NLGN1: variants seen among roughly 807,000 people sequenced by gnomAD.
NLGN1 encodes neuroligin 1.
NLGN1 carries 12 observed loss-of-function variants against 65.5 expected under a neutral mutation model. That is an observed-to-expected ratio of 0.18 (90% confidence interval 0.12 to 0.30). The LOEUF is 0.30. NLGN1 is among the 10% of genes least tolerant of loss of function. The probability of loss-of-function intolerance (pLI) is 1.00; values close to 1 mark genes in which losing one functional copy is unlikely to be tolerated. For missense variants in NLGN1, 750 were observed against 1,007.1 expected (o/e 0.74, Z 3.46); for synonymous variants, 350 against 359.5 (o/e 0.97, Z 0.30).
At chr3:173,457,644 G>A (rs1050193911) in intron 2 of NLGN1, among the ~76,000 whole-genome samples, 1 of 152,124 alleles carries the variant, frequency 6.6e-6, no homozygotes, top group Admixed American at 6.6e-5. Flanking sequence ...AGGCAAGCAA[G>A]AGCAGAAGAA....
At chr3:173,815,058 CTCCTTCCTTCTTTCCTTCGTTCCTTCTT>C (rs1718742087) in intron 4 of NLGN1, among the ~76,000 whole-genome samples, 1 of 146,932 alleles carries the variant, frequency 6.8e-6, no homozygotes. Flanking sequence ...TTTTCTTTCT[CTCCTTCCTTCTTTCCTTCGTTCCTTCTT>C]TCCTTCCTTC....
Position 173,823,498 on chromosome 3 carries a change from T to C in NLGN1, c.646+15666T>C, listed in dbSNP as rs114148648. Among the ~76,000 whole-genome samples, 462 of 152,174 alleles carry C rather than the reference T, an allele frequency of 3.0e-3. 3 individuals are homozygous for C. Among genetic ancestry groups the C allele is most frequent in the African/African-American group, 0.011 (442 of 41,548 alleles). On this transcript the variant is annotated intron_variant, in intron 4 of 6. Transcript: ENST00000457714. ...TACTTTATATTGTACTTACAAAACA[T>C]CTCAATTCACATGCTAAATCTTCAA...
intron 2 of NLGN1, among the ~76,000 whole-genome samples, chr3:173,500,010 G>T (rs1189203136): frequency 6.6e-6 from 1 of 152,082 alleles, no homozygotes; most frequent in Non-Finnish European, 1.5e-5. Flanking sequence ...GGGACAATTT[G>T]ACTTCCTCTT....
In NLGN1 at chr3:173,912,284, C is replaced by T. The variant is rs897812396; in HGVS notation, c.646+104452C>T. ...CTCTTTGATTCAACAATTCCACTCC[C>T]GGGATTTTATCTTGGGGAAACCTCA... On this transcript the variant is annotated intron_variant, in intron 4 of 6. Transcript: ENST00000457714. 3.9e-4 allele frequency among the ~76,000 whole-genome samples: 60 copies of T among 152,220 alleles called. 1 individual carries two copies. Among genetic ancestry groups the T allele is most frequent in the East Asian group, 1.9e-4 (1 of 5,174 alleles).
chr3:174,142,372 C>G (rs73880364), intron 4 of NLGN1, among the ~76,000 whole-genome samples: 2 of 152,052 alleles, frequency 1.3e-5, no homozygotes, highest in Non-Finnish European at 2.9e-5. Context: ...TCTTTAATTG[C>G]CATTACAGCT....
intron 3 of NLGN1, among the ~76,000 whole-genome samples, chr3:173,652,644 A>G (rs76032226): frequency 0.051 from 7,699 of 152,224 alleles, 460 homozygotes; most frequent in African/African-American, 0.13. Context: ...TATAGTTACT[A>G]TAGTCTTGTA....
chr3:173,470,193 T>C (rs1221888267), intron 2 of NLGN1, among the ~76,000 whole-genome samples: 2 of 152,060 alleles, frequency 1.3e-5, no homozygotes, highest in African/African-American at 2.4e-5. Flanking sequence ...CAGAGAAATC[T>C]CTTAACTGCT....
chr3:173,591,850 C>T (rs1748546065), intron 2 of NLGN1, among the ~76,000 whole-genome samples: 1 of 152,172 alleles, frequency 6.6e-6, no homozygotes, highest in South Asian at 2.1e-4. Flanking sequence ...TACTAGCAGG[C>T]ATAATTAAGT....
intron 3 of NLGN1, among the ~76,000 whole-genome samples, chr3:173,712,433 C>T (rs1560217569): frequency 6.6e-6 from 1 of 152,158 alleles, no homozygotes; most frequent in Non-Finnish European, 1.5e-5. Flanking sequence ...CTAAGCTTGT[C>T]TAGATATTTA....
intron 2 of NLGN1, among the ~76,000 whole-genome samples, chr3:173,491,059 C>T (rs1288114256): frequency 6.6e-6 from 1 of 151,810 alleles, no homozygotes; most frequent in African/African-American, 2.4e-5. Flanking sequence ...ATTTGACTTC[C>T]TCTTTTCCTA....
intron 3 of NLGN1, among the ~76,000 whole-genome samples, chr3:173,681,123 T>G (rs958363865): frequency 2.0e-5 from 3 of 152,230 alleles, no homozygotes; most frequent in East Asian, 3.8e-4. Context: ...TTGTATAGAT[T>G]GAGTCTACTC....
chr3:173,670,653 C>G (rs1762327008), intron 3 of NLGN1, among the ~76,000 whole-genome samples: 1 of 152,038 alleles, frequency 6.6e-6, no homozygotes, highest in African/African-American at 2.4e-5. Context: ...ATGCGTGGTT[C>G]AGAAAGTTCT....
At chr3:173,600,200 T>TCACACACACACACACACACACACACAC (rs1187383560) in intron 2 of NLGN1, among the ~76,000 whole-genome samples, 9 of 145,100 alleles carry the variant, frequency 6.2e-5, no homozygotes, top group Non-Finnish European at 1.2e-4. Flanking sequence ...TACATGTGTG[T>TCACACACACACACACACACACACACAC]ACACACACAC....
At chr3:174,224,268 T>C (rs867936581) in intron 4 of NLGN1, among the ~76,000 whole-genome samples, 3 of 152,222 alleles carry the variant, frequency 2.0e-5, no homozygotes, top group South Asian at 4.1e-4. Flanking sequence ...GAAAATGTTC[T>C]TATTTTGTTG....
At chr3:173,887,925 A>G (rs978553961) in intron 4 of NLGN1, among the ~76,000 whole-genome samples, 1 of 152,028 alleles carries the variant, frequency 6.6e-6, no homozygotes, top group South Asian at 2.1e-4. Context: ...ATCCTTTTCA[A>G]GAAATAAAAT....
chr3:173,698,548 C>A (rs954100783), intron 3 of NLGN1, among the ~76,000 whole-genome samples: 1 of 152,110 alleles, frequency 6.6e-6, no homozygotes, highest in South Asian at 2.1e-4. Context: ...AGTACATTGG[C>A]CATCATATTT....
intron 3 of NLGN1, among the ~76,000 whole-genome samples, chr3:173,749,281 A>AT (rs1164760107): frequency 6.6e-6 from 1 of 152,008 alleles, no homozygotes; most frequent in African/African-American, 2.4e-5. Flanking sequence ...TTCCAAAGTC[A>AT]TTTTTTATGA....
intron 4 of NLGN1, among the ~76,000 whole-genome samples, chr3:174,035,200 A>G (rs1730872305): frequency 6.6e-6 from 1 of 152,220 alleles, no homozygotes; most frequent in African/African-American, 2.4e-5. Flanking sequence ...AAAAATTAAT[A>G]AAATGTGAAT....
chr3:174,170,991 G>A (rs574505709), intron 4 of NLGN1, among the ~76,000 whole-genome samples: 9 of 152,072 alleles, frequency 5.9e-5, no homozygotes, highest in African/African-American at 1.2e-4. Context: ...TCATGTCAAG[G>A]GAAACAAATC....
Sources: allele counts gnomAD v4.1 joint callset (sites outside exome capture counted in the v4.1 genomes callset), GRCh38; gene constraint gnomAD v4.1.1; transcripts MANE v1.5; gene names NCBI Gene and HGNC (gene_info 2026-07-23, HGNC 2026-07-21).